TDRD9: variants seen among roughly 807,000 people sequenced by gnomAD.
TDRD9 encodes ATP-dependent RNA helicase TDRD9.
A neutral mutation model predicts 172.6 loss-of-function variants in TDRD9; 124 were observed. The observed-to-expected ratio is 0.72, with a 90% CI of 0.62 to 0.83. TDRD9 has a LOEUF of 0.83. Among genes scored for constraint, TDRD9 ranks in the 40% least tolerant of loss-of-function variants. The pLI is 0.00. For missense variants in TDRD9, 1,479 were observed against 1,714.1 expected (o/e 0.86, Z 2.42); for synonymous variants, 619 against 617.1 (o/e 1.00, Z -0.05).
At chr14:104,015,344 C>A (rs553353176) in intron 21 of TDRD9, among the ~76,000 whole-genome samples, 3 of 152,102 alleles carry the variant, frequency 2.0e-5, no homozygotes, top group African/African-American at 7.2e-5. Context: ...GTAGGGTTTC[C>A]TAGAAGGGTT....
chr14:104,032,363 C>A (rs1235722575), intron 30 of TDRD9, among the ~76,000 whole-genome samples: 1 of 152,090 alleles, frequency 6.6e-6, no homozygotes, highest in Non-Finnish European at 1.5e-5. Flanking sequence ...CGTGCCACCA[C>A]ACCTGGCTAA....
intron 13 of TDRD9, among the ~76,000 whole-genome samples, chr14:104,001,754 A>G (rs1467918266): frequency 6.6e-6 from 1 of 151,978 alleles, no homozygotes; most frequent in African/African-American, 2.4e-5. Flanking sequence ...GACTACAGGC[A>G]TGCCCCACCA....
intron 28 of TDRD9, among the ~76,000 whole-genome samples, chr14:104,030,383 C>G (rs1172423479): frequency 1.3e-5 from 2 of 152,108 alleles, no homozygotes; most frequent in Non-Finnish European, 2.9e-5. Context: ...TCATACTACT[C>G]AGGAGGCTGA....
In TDRD9 at chr14:103,941,502, C is replaced by T; in HGVS notation, c.215+12778C>T. 5 of 1,535,258 alleles carry T rather than the reference C, an allele frequency of 3.3e-6. No individual in the cohort carries two copies. The South Asian group carries it at 4.8e-5, about 15-fold the overall frequency. ...AGTTGTGTGGGGATTCTGGTAGTTTCTGAGCCAGTTGTAATCCACACCTGT... is the reference window on the plus strand; with the variant it reads ...AGTTGTGTGGGGATTCTGGTAGTTTTTGAGCCAGTTGTAATCCACACCTGT... On this transcript the variant is annotated intron_variant, in intron 1 of 35. Coordinates refer to ENST00000409874, the MANE Select transcript of TDRD9 (RefSeq NM_153046.3).
chr14:103,940,410 T>C (rs556302482), intron 1 of TDRD9: 4 of 157,270 alleles, frequency 2.5e-5, no homozygotes, highest in African/African-American at 7.2e-5. Context: ...ATTTCTGTTA[T>C]GTTGTAAAGA....
At chr14:103,989,323 T>C (rs528572726) in intron 8 of TDRD9, among the ~76,000 whole-genome samples, 4 of 152,370 alleles carry the variant, frequency 2.6e-5, no homozygotes, top group African/African-American at 7.2e-5. Flanking sequence ...TTTTATGACT[T>C]CCTGTAGGAC....
At chr14:103,971,524 G>T (rs2033032425) in intron 6 of TDRD9, among the ~76,000 whole-genome samples, 1 of 151,872 alleles carries the variant, frequency 6.6e-6, no homozygotes, top group Non-Finnish European at 1.5e-5. Context: ...GGCTGGTCTT[G>T]AACTCCTGAC....
chr14:103,999,643 A>ACATTTAATCTTTTAATCTTCCTT (rs1566771643), intron 13 of TDRD9, among the ~76,000 whole-genome samples: 1 of 130,464 alleles, frequency 7.7e-6, no homozygotes. Context: ...TGTTTTTTAG[A>ACATTTAATCTTTTAATCTTCCTT]AAACCTTTTG....
intron 13 of TDRD9, among the ~76,000 whole-genome samples, chr14:104,003,681 G>C (rs906087580): frequency 2.6e-5 from 4 of 152,190 alleles, no homozygotes; most frequent in Non-Finnish European, 5.9e-5. Flanking sequence ...CAAGAGAGTA[G>C]TAGTTTGTGT....
intron 19 of TDRD9, among the ~76,000 whole-genome samples, chr14:104,007,944 C>CT (rs35114257): frequency 6.6e-6 from 1 of 151,912 alleles, no homozygotes; most frequent in Admixed American, 6.6e-5. Flanking sequence ...CACCCAGCTA[C>CT]TTTTTTTGTA....
chr14:103,931,030 C>A (rs10136440), intron 1 of TDRD9, among the ~76,000 whole-genome samples: 115,452 of 152,030 alleles, frequency 0.76, 44,436 homozygotes, highest in African/African-American at 0.89. Context: ...GTGGTGGCTC[C>A]CACCTGTAAT....
chr14:103,998,815 C>T lies in TDRD9; in HGVS notation c.1483+87C>T, dbSNP rs144522424. On this transcript the variant is annotated intron_variant, in intron 13 of 35. Transcript: ENST00000409874. ...GCTTTTTTTTTTTTTTTCTCTGAGA[C>T]GGAGTCTTGCTCTGTCGCCCAGGCT... is the stretch of plus-strand genomic sequence containing the variant. 2.3e-4 allele frequency: 162 copies of T among 701,752 alleles called. No homozygotes were observed. The Middle Eastern group carries it at 3.0e-3, about 13-fold the overall frequency. 43.5% of individuals were successfully genotyped at this position (701,752 alleles called of 1,614,324 possible).
chr14:103,998,619 GGC>G lies in TDRD9; in HGVS notation c.1379-4_1379-3del, dbSNP rs1566770665. 3 of 1,504,988 alleles carry G rather than the reference GGC, an allele frequency of 2.0e-6. No individual in the cohort carries two copies. The highest frequency in any genetic ancestry group is 1.8e-6 in the Non-Finnish European group (2 of 1,084,528). The allele number at this position is 1,504,988 out of a possible 1,614,324, so 93.2% of individuals were successfully genotyped here. Reference sequence around the variant, plus strand: ...GTGTTTACAGTCCTTTTTTTTAAATGGCAGTTATAGATTTTTGTTTGACTAGA... The same window carrying G: ...GTGTTTACAGTCCTTTTTTTTAAATGAGTTATAGATTTTTGTTTGACTAGA... On this transcript the variant is annotated splice_region_variant and splice_polypyrimidine_tract_variant and intron_variant, in intron 12 of 35. Transcript: ENST00000409874.
chr14:104,011,505 A>G (rs1375386529), intron 20 of TDRD9, among the ~76,000 whole-genome samples: 1 of 152,172 alleles, frequency 6.6e-6, no homozygotes, highest in Non-Finnish European at 1.5e-5. Flanking sequence ...ATTCAAAAAC[A>G]CCTTTGGGAT....
At chr14:103,964,464 T>C (rs994880038) in intron 3 of TDRD9, among the ~76,000 whole-genome samples, 1 of 152,184 alleles carries the variant, frequency 6.6e-6, no homozygotes, top group Admixed American at 6.5e-5. Flanking sequence ...GAAGCTGGAG[T>C]TAACCTGGCC....
Position 104,026,894 on chromosome 14 carries a change from C to A in TDRD9, c.3237C>A (p.Ile1079=), listed in dbSNP as rs758842248. ...QDAINIRDVL[I]QQGYAELTEE... ...CCATCAACATAAGAGACGTCCTCAT[C>A]CAGCAGGGCTATGCCGAGCTCACGG... Residue 1079 remains isoleucine (I), a synonymous_variant, in exon 28 of 36, where the codon ATC becomes ATA. Coordinates refer to ENST00000409874, the MANE Select transcript of TDRD9 (RefSeq NM_153046.3). 2 of 1,613,890 alleles carry A rather than the reference C, an allele frequency of 1.2e-6. No homozygotes were observed. The highest frequency in any genetic ancestry group is 1.3e-5 in the African/African-American group (1 of 74,946).
chr14:103,931,553 G>A (rs2030389900), intron 1 of TDRD9, among the ~76,000 whole-genome samples: 1 of 152,154 alleles, frequency 6.6e-6, no homozygotes, highest in Non-Finnish European at 1.5e-5. Flanking sequence ...GAGGTTGATG[G>A]CTTTATCATC....
At chr14:104,050,972 C>A (rs1357307986) in intron 35 of TDRD9, among the ~76,000 whole-genome samples, 5 of 152,254 alleles carry the variant, frequency 3.3e-5, no homozygotes, top group Non-Finnish European at 5.9e-5. Flanking sequence ...TATTTATTTG[C>A]AGCTTTTATT....
In TDRD9 at chr14:103,965,424, A is replaced by G; in HGVS notation, c.512A>G (p.Asp171Gly). 1 of 1,551,596 alleles carries G rather than the reference A, an allele frequency of 6.4e-7. No homozygotes were observed. Among genetic ancestry groups the G allele is most frequent in the South Asian group, 1.2e-5 (1 of 84,050 alleles). ...ACTCAGCTCCCGCAGTATATCTTGG[A>G]CCACTACGTTCAGCGCTCCGCCTAC... ...KSTQLPQYIL[D>G]HYVQRSAYCS... Residue 171 changes from aspartate (D) to glycine (G), a missense_variant, in exon 4 of 36, where the codon GAC becomes GGC. Physicochemically the swap from Asp to Gly is moderately conservative, Grantham distance 94 (BLOSUM62 -1). This residue lies in a region of TDRD9 where 1,413 missense variants were observed against 1,649.1 expected (regional missense o/e 0.86). Transcript: ENST00000409874.
Sources: allele counts gnomAD v4.1 joint callset (sites outside exome capture counted in the v4.1 genomes callset), GRCh38; gene constraint gnomAD v4.1.1; regional missense constraint gnomAD v4.1.1; transcripts MANE v1.5; gene names NCBI Gene and HGNC (gene_info 2026-07-23, HGNC 2026-07-21).